The following FAHD1 variants were observed in gnomAD, a reference collection of about 807,000 sequenced individuals.
The protein encoded by FAHD1 is FAH domain containing oxaloacetate decarboxylase 1.
A neutral mutation model predicts 12.7 loss-of-function variants in FAHD1; 14 were observed. The observed-to-expected ratio is 1.10, with a 90% confidence interval of 0.73 to 1.72. FAHD1 has a LOEUF of 1.72. Among genes scored for constraint, FAHD1 ranks in the 40% most tolerant of loss-of-function variants. The pLI, the probability that FAHD1 is intolerant of heterozygous loss-of-function variation, is 0.00. For missense variants in FAHD1, 351 were observed against 298.9 expected, an observed-to-expected ratio of 1.17 and a Z score of -1.29; for synonymous variants, 153 against 124.9, an observed-to-expected ratio of 1.22 and a Z score of -1.50.
chr16:1,831,232 C>G (rs758985007), downstream of FAHD1, among the ~76,000 whole-genome samples: 8 of 152,096 alleles, frequency 5.3e-5, no homozygotes, highest in Non-Finnish European at 1.0e-4. Context: ...AGTACAGGTA[C>G]CCCTTTTTAA....
intron 2 of FAHD1, chr16:1,839,204 A>G: frequency 6.7e-7 from 1 of 1,482,162 alleles, no homozygotes. Flanking sequence ...TTTTGGGAAA[A>G]AGCATTCACT....
At chr16:1,827,332 C>G (rs756122765) in exon 1 of FAHD1, 3 of 1,613,164 alleles carry the variant, frequency 1.9e-6, no homozygotes, top group Admixed American at 3.3e-5. Context: ...CAGGGAGATG[C>G]GCAGCGCGGT....
At chr16:1,837,493 A>G (rs768765487) in intron 1 of FAHD1, among the ~76,000 whole-genome samples, 7 of 152,064 alleles carry the variant, frequency 4.6e-5, no homozygotes, top group Non-Finnish European at 7.4e-5. Flanking sequence ...GGTGTGTACT[A>G]TTGCACCCAT....
At chr16:1,839,807 T>C (rs1317635597) in exon 3 of FAHD1, 1 of 163,464 alleles carries the variant, frequency 6.1e-6, no homozygotes, top group Non-Finnish European at 1.3e-5. Flanking sequence ...TGACTGGTGC[T>C]GTTGCATCAG....
At chr16:1,828,722 G>A in exon 1 of FAHD1, 2 of 955,024 alleles carry the variant, frequency 2.1e-6, no homozygotes, top group Non-Finnish European at 1.3e-6. Context: ...GGCATTCCAA[G>A]TGATTCTTAT....
chr16:1,829,653 T>C (rs1898588253), downstream of FAHD1, among the ~76,000 whole-genome samples: 1 of 146,370 alleles, frequency 6.8e-6, no homozygotes, highest in Admixed American at 6.9e-5. Flanking sequence ...TTAACTACTT[T>C]TAGTATTATT....
downstream of FAHD1, among the ~76,000 whole-genome samples, chr16:1,830,878 A>T (rs62038395): frequency 0.18 from 26,639 of 150,646 alleles, 2,517 homozygotes; most frequent in South Asian, 0.27. Context: ...TCCCCGCCAT[A>T]TATGTGTATA....
exon 1 of FAHD1, chr16:1,828,245 TA>T (rs1262118979): frequency 1.1e-6 from 1 of 937,228 alleles, no homozygotes; most frequent in Non-Finnish European, 1.3e-6. Flanking sequence ...TGCGCCACTG[TA>T]CTCCTGGGCA....
exon 1 of FAHD1, chr16:1,827,490 G>C: frequency 6.2e-7 from 1 of 1,612,738 alleles, no homozygotes; most frequent in Non-Finnish European, 8.5e-7. Context: ...CAGTCCCCGA[G>C]GCTGCGGCCA....
At position 1,827,912 on chromosome 16, in the gene FAHD1, C is replaced by A. The variant is rs13166; in HGVS notation, c.*8C>A. ...GAAAAGCCAGAATATTGAGTTATTT[C>A]TTAACAAGTTTCGAGAGAGAAGGGA... On this transcript the variant is annotated 3_prime_UTR_variant, in exon 1 of 1. Coordinates refer to ENST00000427358, the Ensembl canonical transcript of FAHD1. 2.5e-6 allele frequency: 4 copies of A among 1,608,684 alleles called. No homozygotes were observed. The Admixed American group carries it at 6.7e-5, about 27-fold the overall frequency.
downstream of FAHD1, among the ~76,000 whole-genome samples, chr16:1,832,316 G>A (rs112623131): frequency 0.18 from 27,293 of 148,530 alleles, 2,627 homozygotes; most frequent in South Asian, 0.28. Context: ...GACTACAGGC[G>A]CCCTCCACCA....
exon 1 of FAHD1, chr16:1,827,885 T>C (rs751735330): frequency 6.2e-7 from 1 of 1,613,078 alleles, no homozygotes; most frequent in South Asian, 1.1e-5. Flanking sequence ...ACATTTAAAG[T>C]GGAAAAGCCA....
downstream of FAHD1, among the ~76,000 whole-genome samples, chr16:1,830,814 A>G (rs1898605632): frequency 1.3e-5 from 2 of 152,088 alleles, no homozygotes; most frequent in South Asian, 4.1e-4. Context: ...TAATAGTTTC[A>G]ACAATTACCA....
chr16:1,837,722 A>C, intron 1 of FAHD1: 1 of 858,656 alleles, frequency 1.2e-6, no homozygotes, highest in Non-Finnish European at 1.8e-6. Flanking sequence ...GGTTTTTCTT[A>C]TGGTTTGAAT....
chr16:1,838,662 T>A (rs1212559406), intron 2 of FAHD1, among the ~76,000 whole-genome samples: 1 of 152,146 alleles, frequency 6.6e-6, no homozygotes, highest in African/African-American at 2.4e-5. Context: ...TACTTGACTA[T>A]ATCAAACATC....
intron 1 of FAHD1, among the ~76,000 whole-genome samples, chr16:1,836,280 G>A (rs1003138632): frequency 1.3e-5 from 2 of 152,136 alleles, no homozygotes; most frequent in African/African-American, 4.8e-5. Context: ...ATGAATATTT[G>A]TTAAAGCCAC....
At chr16:1,839,081 T>G (rs933876384) in intron 2 of FAHD1, among the ~76,000 whole-genome samples, 1 of 152,212 alleles carries the variant, frequency 6.6e-6, no homozygotes, top group African/African-American at 2.4e-5. Context: ...TGATATAAAA[T>G]ATGTAACATT....
downstream of FAHD1, among the ~76,000 whole-genome samples, chr16:1,829,642 C>T (rs556135421): frequency 7.3e-5 from 11 of 150,320 alleles, no homozygotes; most frequent in South Asian, 2.2e-3. Context: ...ATCATGCTAT[C>T]TTAACTACTT....
intron 1 of FAHD1, among the ~76,000 whole-genome samples, chr16:1,834,952 T>TA (rs897228052): frequency 1.5e-4 from 6 of 40,610 alleles, no homozygotes; most frequent in African/African-American, 4.0e-4. Flanking sequence ...CCCCCCCCAC[T>TA]AAAAAAAATG....
Sources: allele counts gnomAD v4.1 joint callset (sites outside exome capture counted in the v4.1 genomes callset), GRCh38; gene constraint gnomAD v4.1.1; transcripts MANE v1.5; gene names NCBI Gene and HGNC (gene_info 2026-07-23, HGNC 2026-07-21).